The following SGSM2 variants were observed in gnomAD, a reference collection of about 807,000 sequenced individuals.
SGSM2 encodes the protein RUN and TBC1 domain containing 1.
SGSM2 carries 89 observed loss-of-function variants against 126.6 expected under a neutral mutation model. The ratio of observed to expected loss-of-function variants is 0.70; its 90% confidence interval spans 0.59 to 0.84. SGSM2 has a LOEUF of 0.84. SGSM2 is among the 40% of genes least tolerant of loss of function. The probability of loss-of-function intolerance (pLI) is 0.00; values close to 1 mark genes in which losing one functional copy is unlikely to be tolerated. For synonymous variants in SGSM2, 614 were observed against 574.3 expected (o/e 1.07, Z -0.99); for missense variants, 1,404 against 1,416.6 (o/e 0.99, Z 0.14).
intron 12 of SGSM2, among the ~76,000 whole-genome samples, chr17:2,368,131 A>G (rs1210272374): frequency 6.6e-6 from 1 of 152,174 alleles, no homozygotes; most frequent in Non-Finnish European, 1.5e-5. Context: ...GGGATATAAG[A>G]CAGATGTGTT....
chr17:2,373,283 G>A (rs769397849), intron 16 of SGSM2, 48 bp from the exon 17 acceptor site: 1 of 1,585,720 alleles, frequency 6.3e-7, no homozygotes, highest in East Asian at 2.3e-5. Flanking sequence ...CTGAAGGGGA[G>A]GGCCTGGTGC....
At position 2,364,996 on chromosome 17, in the gene SGSM2, T is replaced by G; in HGVS notation, c.1100T>G (p.Leu367Arg). The part of the protein sequence containing the change: ...GGHLLSFLSC[L>R]ENGLLPRGQL... The stretch of plus-strand genomic sequence containing the variant: ...CACCTGCTGTCCTTTCTGTCCTGTC[T>G]GGAGAATGGGCTGCTGCCTCGGGGA... The change falls in exon 10 of 24, where the codon CTG (leucine) becomes CGG (arginine). Residue 367 changes from leucine (L) to arginine (R), a missense_variant. Physicochemically the swap from Leu to Arg is moderately radical, Grantham distance 102. Transcript: ENST00000268989. 6.2e-7 allele frequency: 1 copy of G among 1,613,686 alleles called. No individual in the cohort carries two copies. The highest frequency in any genetic ancestry group is 8.5e-7 in the Non-Finnish European group (1 of 1,179,966).
chr17:2,352,413 G>C (rs2064894946), intron 2 of SGSM2, among the ~76,000 whole-genome samples: 1 of 152,206 alleles, frequency 6.6e-6, no homozygotes, highest in African/African-American at 2.4e-5. Context: ...CCCCTGTCGT[G>C]CAGATGGCAG....
At position 2,372,240 on chromosome 17, in the gene SGSM2, GGGCCTTCTAC is replaced by G; in HGVS notation, c.1632_1641del (p.Phe545GlyfsTer65). The G allele has an allele frequency of 6.2e-7, 1 of 1,613,122 alleles. No homozygotes were observed. The highest frequency in any genetic ancestry group is 8.5e-7 in the Non-Finnish European group (1 of 1,179,684). On this transcript the variant is annotated frameshift_variant, in exon 14 of 24. Transcript: ENST00000268989. LOFTEE classifies it high-confidence loss of function. This position sits in a 1 kb window ranked among gnomAD's most constrained non-coding sequence, Gnocchi z 6.0. ...AGTATGAAGAGGCAGATCGTGTCCC[GGGCCTTCTAC>G]GGCTGTGAGTGTGGGGCGCGCCGGG...
intron 21 of SGSM2, chr17:2,377,518 G>A (rs2066231312): frequency 5.3e-6 from 1 of 187,434 alleles, no homozygotes; most frequent in Non-Finnish European, 1.1e-5. Flanking sequence ...TTCAGCGTTA[G>A]AAATTGAGGA....
At position 2,362,540 on chromosome 17, in the gene SGSM2, C is replaced by T. The variant is rs1045323905; in HGVS notation, c.458+270C>T. Among the ~76,000 whole-genome samples the T allele has an allele frequency of 6.6e-6, 1 of 152,146 alleles. No individual in the cohort carries two copies. Among genetic ancestry groups the T allele is most frequent in the Admixed American group, 6.6e-5 (1 of 15,264 alleles). ...GTTCCCCAAAAACTGCAGGTGACCG[C>T]CTCGTTCCCCAAGCAGCCCCTCCCT... On this transcript the variant is annotated intron_variant, in intron 4 of 23. Coordinates refer to ENST00000268989, the MANE Select transcript of SGSM2 (RefSeq NM_014853.3). The surrounding 1 kb of genome is among the most constrained non-coding windows in gnomAD (Gnocchi z 4.9).
chr17:2,343,527 CT>C lies in SGSM2; in HGVS notation c.58-17del. On this transcript the variant is annotated splice_polypyrimidine_tract_variant and intron_variant, in intron 1 of 23. Transcript: ENST00000268989. ...AGGGAAAATAATAAAAGCAGTGATG[CT>C]GTCCATGTGTCCGCAGGTGAAGCAA... is the stretch of plus-strand genomic sequence containing the variant. 6.2e-7 allele frequency: 1 copy of C among 1,613,054 alleles called. No homozygotes were observed. The highest frequency in any genetic ancestry group is 8.5e-7 in the Non-Finnish European group (1 of 1,179,012).
chr17:2,374,374 T>C (rs2429914), intron 17 of SGSM2: 87,252 of 151,960 alleles, frequency 0.57, 25,614 homozygotes, highest in South Asian at 0.78. Context: ...TTCAAGAGTT[T>C]GAGACCAGCC....
rs1441609834 is a variant in SGSM2, at chr17:2,380,400, G to C, written c.*880G>C. 5.9e-6 allele frequency: 7 copies of C among 1,193,298 alleles called. No individual in the cohort carries two copies. The Admixed American group carries it at 9.9e-5, about 17-fold the overall frequency. The allele number at this position is 1,193,298 out of a possible 1,614,324, so 73.9% of individuals were successfully genotyped here. ...AATCCGGTCACAGCCTCCCCTCAGA[G>C]ACAGGCCTCAGTTCGAGGGCAGCCC... On this transcript the variant is annotated 3_prime_UTR_variant, in exon 24 of 24. Transcript: ENST00000268989.
chr17:2,370,904 G>A (rs1411685255), intron 12 of SGSM2, among the ~76,000 whole-genome samples: 1 of 152,018 alleles, frequency 6.6e-6, no homozygotes, highest in Admixed American at 6.5e-5. Flanking sequence ...TGGTGGCTTT[G>A]AGGAGCTCAG....
In SGSM2 at chr17:2,367,739, C is replaced by A. The variant is rs1214814415; in HGVS notation, c.1423+334C>A. The stretch of plus-strand genomic sequence containing the variant: ...GGGGGTCAGGCTGGCAAATGCCAGA[C>A]AGAGGTCTCTTCCTTTCTCTCTGCT... On this transcript the variant is annotated intron_variant, in intron 12 of 23. Transcript: ENST00000268989. This position sits in a 1 kb window ranked among gnomAD's most constrained non-coding sequence, Gnocchi z 4.0. Among the ~76,000 whole-genome samples, 2 of 152,216 alleles carry A rather than the reference C, an allele frequency of 1.3e-5. No homozygotes were observed. Among genetic ancestry groups the A allele is most frequent in the East Asian group, 3.8e-4 (2 of 5,196 alleles).
intron 2 of SGSM2, among the ~76,000 whole-genome samples, chr17:2,349,133 T>C (rs894938236): frequency 6.6e-6 from 1 of 151,640 alleles, no homozygotes; most frequent in African/African-American, 2.4e-5. Flanking sequence ...CCCAGCACTT[T>C]GGGAGGCTCA....
rs540299094 is a variant in SGSM2 at position 2,371,873 on chromosome 17, C to A, written c.1578-317C>A. The A allele has an allele frequency of 1.2e-4, 51 of 437,388 alleles. No individual in the cohort carries two copies. The South Asian group carries it at 1.4e-3, about 12-fold the overall frequency. 27.1% of individuals were successfully genotyped at this position (437,388 alleles called of 1,614,324 possible). A position where few individuals can be genotyped will look rare whatever the true frequency, so the allele number is the denominator to read the frequency against. On this transcript the variant is annotated intron_variant, in intron 13 of 23. Coordinates refer to ENST00000268989, the MANE Select transcript of SGSM2 (RefSeq NM_014853.3). ...GAGGTGTTCTCTTTTACCTTTACTT[C>A]GTCTTCCGTTTATTAATCCTGATGA...
chr17:2,340,764 T>C (rs1014066501), intron 1 of SGSM2, among the ~76,000 whole-genome samples: 1 of 152,002 alleles, frequency 6.6e-6, no homozygotes, highest in Non-Finnish European at 1.5e-5. Context: ...TTTTGTATTT[T>C]TAGTAGAGAC....
In SGSM2 at chr17:2,372,371, G is replaced by A. The variant is rs1203308089; in HGVS notation, c.1671G>A (p.Thr557=). The A allele has an allele frequency of 1.2e-5, 19 of 1,589,862 alleles. No homozygotes were observed. The highest frequency in any genetic ancestry group is 3.7e-5 in the Admixed American group (2 of 54,790). The stretch of plus-strand genomic sequence containing the variant: ...TGGCACACTGCCGCCACCTGTCCAC[G>A]GTGCGGACCCACCTGTCGGCGCTGG... ...GWLAHCRHLS[T]VRTHLSALVH... is the part of the protein sequence containing the mutation. Residue 557 remains threonine, a synonymous_variant, in exon 15 of 24, where the codon ACG becomes ACA. Coordinates refer to ENST00000268989, the MANE Select transcript of SGSM2 (RefSeq NM_014853.3). This position sits in a 1 kb window ranked among gnomAD's most constrained non-coding sequence, Gnocchi z 6.0.
At chr17:2,368,584 G>A (rs923591352) in intron 12 of SGSM2, among the ~76,000 whole-genome samples, 3 of 152,208 alleles carry the variant, frequency 2.0e-5, no homozygotes, top group African/African-American at 7.2e-5. Flanking sequence ...CCTGGTCTGT[G>A]TTAGAACACA....
rs747071299 is a variant in SGSM2 at position 2,367,384 on chromosome 17, A to G, written c.1402A>G (p.Thr468Ala). The G allele has an allele frequency of 4.3e-6, 7 of 1,613,976 alleles. No individual in the cohort carries two copies. The highest frequency in any genetic ancestry group is 5.9e-6 in the Non-Finnish European group (7 of 1,179,960). ...MLSMICSRNL[T>A]APNPMKDAGD... ...CTCAATGATCTGCTCGCGGAACCTC[A>G]CAGCTCCCAATCCGATGAAAGGTTC... is the stretch of plus-strand genomic sequence containing the variant. The change falls in exon 12 of 24, where the codon ACA becomes GCA. Residue 468 changes from threonine to alanine, a missense_variant. Transcript: ENST00000268989. The surrounding 1 kb of genome is among the most constrained non-coding windows in gnomAD (Gnocchi z 4.0).
In SGSM2 at chr17:2,373,319, G is replaced by T; in HGVS notation, c.1918-12G>T. ...ACGCTTCCCCCATGGTCGTGGTGTGGTCTGAGTACAGGTGGACGCAGTGGT... is the reference window on the plus strand; with the variant it reads ...ACGCTTCCCCCATGGTCGTGGTGTGTTCTGAGTACAGGTGGACGCAGTGGT... On this transcript the variant is annotated splice_polypyrimidine_tract_variant and intron_variant, in intron 16 of 23. Transcript: ENST00000268989. 1.2e-6 allele frequency: 2 copies of T among 1,609,028 alleles called. No homozygotes were observed. Among genetic ancestry groups the T allele is most frequent in the East Asian group, 2.2e-5 (1 of 44,722 alleles).
intron 2 of SGSM2, 66 bp downstream of exon 2, chr17:2,343,686 G>A: frequency 7.2e-7 from 1 of 1,393,504 alleles, no homozygotes; most frequent in Non-Finnish European, 1.0e-6. Flanking sequence ...CTGGGGCCAG[G>A]AAAAGATGAG....
Sources: allele counts gnomAD v4.1 joint callset (sites outside exome capture counted in the v4.1 genomes callset), GRCh38; gene constraint gnomAD v4.1.1; non-coding constraint Gnocchi (gnomAD v3.1); transcripts MANE v1.5; gene names NCBI Gene and HGNC (gene_info 2026-07-23, HGNC 2026-07-21).